The following PALM2AKAP2 variants were observed in gnomAD, a reference collection of about 807,000 sequenced individuals.
The protein encoded by PALM2AKAP2 is PALM2-AKAP2 fusion protein.
In PALM2AKAP2, 37 loss-of-function variants were observed where a neutral mutation model predicts 71.5. The observed-to-expected ratio is 0.52, with a 90% CI of 0.40 to 0.68. The LOEUF (loss-of-function observed/expected upper bound fraction) is 0.68, where lower values mean the gene tolerates loss of function less well. PALM2AKAP2 is among the 30% of genes least tolerant of loss of function. The pLI is 0.00. For synonymous variants in PALM2AKAP2, 468 were observed against 478.8 expected (o/e 0.98, Z 0.29); for missense variants, 1,224 against 1,191.8 (o/e 1.03, Z -0.40).
chr9:109,724,378 G>A (rs192449169), intron 1 of PALM2AKAP2, among the ~76,000 whole-genome samples: 159 of 152,184 alleles, frequency 1.0e-3, no homozygotes, highest in African/African-American at 3.5e-3. Flanking sequence ...GGTACTTGAC[G>A]AATAGCTTTT....
intron 6 of PALM2AKAP2, among the ~76,000 whole-genome samples, chr9:109,960,731 C>T (rs1259669454): frequency 6.6e-6 from 1 of 152,124 alleles, no homozygotes; most frequent in Non-Finnish European, 1.5e-5. Flanking sequence ...TATTTTCTCC[C>T]GTATGTCAGA....
chr9:110,075,197 C>G (rs138294095), intron 1 of PALM2AKAP2, among the ~76,000 whole-genome samples: 1 of 152,140 alleles, frequency 6.6e-6, no homozygotes, highest in Non-Finnish European at 1.5e-5. Flanking sequence ...ACCTGTAGTT[C>G]ATCCCTACTC....
intron 6 of PALM2AKAP2, among the ~76,000 whole-genome samples, chr9:109,951,043 T>G (rs980686923): frequency 6.6e-6 from 1 of 152,242 alleles, no homozygotes; most frequent in African/African-American, 2.4e-5. Context: ...AAGAGTTCTA[T>G]TCTTTGCAGG....
At chr9:109,968,955 CAG>C (rs916931518) in intron 6 of PALM2AKAP2, among the ~76,000 whole-genome samples, 4 of 152,130 alleles carry the variant, frequency 2.6e-5, no homozygotes, top group Admixed American at 2.6e-4. Flanking sequence ...GTGACACAGA[CAG>C]AGAGACTGTG....
chr9:109,938,614 A>C (rs893033539), intron 6 of PALM2AKAP2, among the ~76,000 whole-genome samples: 1 of 152,206 alleles, frequency 6.6e-6, no homozygotes, highest in African/African-American at 2.4e-5. Context: ...TAGTAAAACC[A>C]TGTCACATGT....
At chr9:110,105,506 A>G (rs1020053765) in intron 1 of PALM2AKAP2, among the ~76,000 whole-genome samples, 1 of 152,180 alleles carries the variant, frequency 6.6e-6, no homozygotes, top group African/African-American at 2.4e-5. Flanking sequence ...TACTTATCCA[A>G]CATGTGCACG....
chr9:109,673,099 A>C (rs1406469661), intron 1 of PALM2AKAP2, among the ~76,000 whole-genome samples: 1 of 151,466 alleles, frequency 6.6e-6, no homozygotes, highest in East Asian at 1.9e-4. Flanking sequence ...TGTGTGTCTC[A>C]ATCTCTTTCA....
intron 1 of PALM2AKAP2, among the ~76,000 whole-genome samples, chr9:109,834,453 TGTAG>T (rs1338041216): frequency 6.6e-6 from 1 of 152,212 alleles, no homozygotes; most frequent in Non-Finnish European, 1.5e-5. Flanking sequence ...GGCTTGCCTT[TGTAG>T]GTAAATATGA....
At chr9:109,813,435 T>C (rs1564160578) in intron 1 of PALM2AKAP2, among the ~76,000 whole-genome samples, 1 of 152,254 alleles carries the variant, frequency 6.6e-6, no homozygotes, top group Non-Finnish European at 1.5e-5. Flanking sequence ...GTTGCGTTGT[T>C]CATCTCTTAG....
chr9:109,923,759 AG>A lies in PALM2AKAP2; in HGVS notation c.283del (p.Glu95LysfsTer15). The A allele has an allele frequency of 6.2e-7, 1 of 1,600,760 alleles. No individual in the cohort carries two copies. Among genetic ancestry groups the A allele is most frequent in the Non-Finnish European group, 8.5e-7 (1 of 1,176,310 alleles). ...GGCTGGAGCAAGAAATACAAACGCT[AG>A]AAAGTGAAGAGTCCCAGATATCTGC... On this transcript the variant is annotated frameshift_variant, in exon 4 of 10. Coordinates refer to the PALM2AKAP2 transcript ENST00000302798. LOFTEE classifies it high-confidence loss of function.
chr9:110,065,034 G>A (rs527913707), intron 1 of PALM2AKAP2, among the ~76,000 whole-genome samples: 4 of 152,290 alleles, frequency 2.6e-5, no homozygotes, highest in Non-Finnish European at 4.4e-5. Flanking sequence ...CAGTGACAGC[G>A]TTGAATGGCT....
intron 1 of PALM2AKAP2, among the ~76,000 whole-genome samples, chr9:109,659,279 T>A (rs1024762391): frequency 1.3e-5 from 2 of 152,220 alleles, no homozygotes; most frequent in African/African-American, 4.8e-5. Context: ...GTTCAATGGC[T>A]TTTAGTGGTG....
intron 1 of PALM2AKAP2, among the ~76,000 whole-genome samples, chr9:109,861,535 T>C (rs945348069): frequency 2.0e-5 from 3 of 152,196 alleles, no homozygotes; most frequent in Non-Finnish European, 4.4e-5. Context: ...TGAAAGTGGC[T>C]TGTTAGCCTT....
chr9:110,156,406 G>A (rs777197311), exon 3 of PALM2AKAP2: 6 of 1,613,210 alleles, frequency 3.7e-6, no homozygotes, highest in East Asian at 4.5e-5. Flanking sequence ...GAGGCTGCCG[G>A]AACCCAGCGG....
chr9:110,123,861 C>A (rs1469773597), intron 1 of PALM2AKAP2, among the ~76,000 whole-genome samples: 2 of 152,228 alleles, frequency 1.3e-5, no homozygotes, highest in Non-Finnish European at 2.9e-5. Context: ...CCTGGTTCTT[C>A]ATTCTCAAGC....
chr9:110,065,234 T>C (rs1010897933), intron 1 of PALM2AKAP2, among the ~76,000 whole-genome samples: 2 of 152,198 alleles, frequency 1.3e-5, no homozygotes, highest in African/African-American at 4.8e-5. Flanking sequence ...TATTTATTTA[T>C]CATTATTTAT....
intron 1 of PALM2AKAP2, among the ~76,000 whole-genome samples, chr9:109,644,014 A>G (rs1416515692): frequency 6.6e-6 from 1 of 151,848 alleles, no homozygotes; most frequent in East Asian, 1.9e-4. Context: ...GGTGTCACAG[A>G]CTTTAAACAA....
chr9:109,732,297 C>G (rs1183282959), intron 1 of PALM2AKAP2, among the ~76,000 whole-genome samples: 1 of 152,198 alleles, frequency 6.6e-6, no homozygotes, highest in Non-Finnish European at 1.5e-5. Context: ...ATGGGAATAG[C>G]ACCAGCTTTG....
intron 1 of PALM2AKAP2, among the ~76,000 whole-genome samples, chr9:109,795,938 G>C (rs889891528): frequency 5.3e-5 from 8 of 152,152 alleles, no homozygotes; most frequent in Non-Finnish European, 1.0e-4. Flanking sequence ...AGAAGTCAGG[G>C]AACAAAAAGA....
Sources: allele counts gnomAD v4.1 joint callset (sites outside exome capture counted in the v4.1 genomes callset), GRCh38; gene constraint gnomAD v4.1.1; transcripts MANE v1.5; gene names NCBI Gene and HGNC (gene_info 2026-07-23, HGNC 2026-07-21).